SLC5A5: variants seen among roughly 807,000 people sequenced by gnomAD.
SLC5A5 encodes solute carrier family 5 member 5, also known as sodium/iodide cotransporter.
In SLC5A5, 56 loss-of-function variants were observed where a neutral mutation model predicts 68.6. The ratio of observed to expected loss-of-function variants is 0.82; its 90% CI spans 0.66 to 1.02. SLC5A5 has a LOEUF of 1.02. Ranked by LOEUF, SLC5A5 falls within the 50% of genes least tolerant of loss-of-function variation. The probability of loss-of-function intolerance (pLI) is 0.00; values close to 1 mark genes in which losing one functional copy is unlikely to be tolerated. For missense variants in SLC5A5, 807 were observed against 859.8 expected, an observed-to-expected ratio of 0.94 and a Z score of 0.77; for synonymous variants, 398 against 373.0, an observed-to-expected ratio of 1.07 and a Z score of -0.77.
chr19:17,875,092 G>A lies in SLC5A5; in HGVS notation c.543+361G>A, dbSNP rs1021480245. 2.6e-5 allele frequency among the ~76,000 whole-genome samples: 4 copies of A among 152,180 alleles called. No individual in the cohort carries two copies. The East Asian group carries it at 5.8e-4, about 22-fold the overall frequency. ...AGTGATAATAATAGTAATGGCGGCC[G>A]GGCGCGGTGGCTCACGTCTGTAATC... On this transcript the variant is annotated intron_variant, in intron 4 of 14. Coordinates refer to ENST00000222248, the MANE Select transcript of SLC5A5 (RefSeq NM_000453.3).
chr19:17,876,187 T>C, intron 5 of SLC5A5, 81 bp downstream of exon 5: 1 of 1,481,182 alleles, frequency 6.8e-7, no homozygotes, highest in Non-Finnish European at 9.4e-7. Context: ...CCCAGCACTT[T>C]GGGAGGCCGA....
At chr19:17,879,737 G>A (rs1418322316) in intron 7 of SLC5A5, among the ~76,000 whole-genome samples, 2 of 152,140 alleles carry the variant, frequency 1.3e-5, no homozygotes, top group Non-Finnish European at 2.9e-5. Flanking sequence ...TGTACTCTCT[G>A]CCTCACAGTC....
chr19:17,874,011 T>A, intron 1 of SLC5A5, 127 bp from the exon 2 acceptor site: 1 of 724,796 alleles, frequency 1.4e-6, no homozygotes, highest in Admixed American at 2.0e-5. Context: ...GGCCCCCACG[T>A]GCAAGAATCT....
At chr19:17,875,617 A>C (rs114974541) in intron 4 of SLC5A5, among the ~76,000 whole-genome samples, 3,107 of 144,100 alleles carry the variant, frequency 0.022, 107 homozygotes, top group African/African-American at 0.075. Flanking sequence ...CTACAAAAAA[A>C]ATTTTTTTTA....
At chr19:17,878,447 A>T (rs10416995) in intron 7 of SLC5A5, among the ~76,000 whole-genome samples, 8 of 149,324 alleles carry the variant, frequency 5.4e-5, no homozygotes, top group African/African-American at 2.0e-4. Flanking sequence ...GGAGGTTGCG[A>T]TGAAGGGAGA....
chr19:17,888,554 C>A, intron 13 of SLC5A5, 99 bp downstream of exon 13: 2 of 1,112,420 alleles, frequency 1.8e-6, no homozygotes, highest in Non-Finnish European at 1.4e-6. Flanking sequence ...CTCCCATTGG[C>A]CAAACTGCCA....
At chr19:17,873,339 T>C (rs1178482583) in intron 1 of SLC5A5, among the ~76,000 whole-genome samples, 1 of 151,806 alleles carries the variant, frequency 6.6e-6, no homozygotes, top group East Asian at 1.9e-4. Flanking sequence ...TGGGCACCTG[T>C]AATCCCAGCT....
At position 17,883,748 on chromosome 19, in the gene SLC5A5, T is replaced by C. The variant is rs759127701; in HGVS notation, c.1310T>C (p.Leu437Pro). 6.4e-6 allele frequency: 9 copies of C among 1,412,760 alleles called. No individual in the cohort carries two copies. In the East Asian group the frequency reaches 1.9e-4, roughly 29 times the overall value. The allele number at this position is 1,412,760 out of a possible 1,614,324, so 87.5% of individuals were successfully genotyped here. Residue 437 changes from leucine to proline, a missense_variant, in exon 11 of 15, where the codon CTG becomes CCG. Coordinates refer to ENST00000222248, the MANE Select transcript of SLC5A5 (RefSeq NM_000453.3). ...LLGAFILGMF[L>P]PACNTPGVLA... ...GGAGCCTTCATCTTGGGAATGTTCC[T>C]GCCGGCCTGCAACACACCGGTGAGT... is the stretch of plus-strand genomic sequence containing the variant.
At position 17,890,552 on chromosome 19, in the gene SLC5A5, T is replaced by A. The variant is rs62119764; in HGVS notation, c.1652-334T>A. 2.3e-3 allele frequency among the ~76,000 whole-genome samples: 346 copies of A among 152,182 alleles called. 1 individual carries two copies. The highest frequency in any genetic ancestry group is 4.4e-3 in the Non-Finnish European group (298 of 68,008). On this transcript the variant is annotated intron_variant, in intron 13 of 14. Transcript: ENST00000222248. ...GACTAGAGGCACACACCACCATGCCTGGCTAATTTTTTAATATTTTGTAGA... is the reference window on the plus strand; with the variant it reads ...GACTAGAGGCACACACCACCATGCCAGGCTAATTTTTTAATATTTTGTAGA...
chr19:17,874,431 T>A, intron 2 of SLC5A5, 63 bp from the exon 3 acceptor site: 1 of 1,511,728 alleles, frequency 6.6e-7, no homozygotes, highest in South Asian at 1.1e-5. Flanking sequence ...TTCTGCCTCC[T>A]CTCCCCATCC....
intron 5 of SLC5A5, 114 bp downstream of exon 5, chr19:17,876,220 A>G: frequency 1.9e-6 from 2 of 1,069,084 alleles, no homozygotes; most frequent in Non-Finnish European, 2.8e-6. Flanking sequence ...ACTTGAGCTC[A>G]GGAGTTCAAG....
Position 17,884,007 on chromosome 19 carries a change from C to A in SLC5A5, c.1487C>A (p.Pro496Gln), listed in dbSNP as rs756127637. 8 of 1,572,756 alleles carry A rather than the reference C, an allele frequency of 5.1e-6. No individual in the cohort carries two copies. Among genetic ancestry groups the A allele is most frequent in the Non-Finnish European group, 6.9e-6 (8 of 1,161,080 alleles). Residue 496 changes from proline to glutamine, a missense_variant, in exon 12 of 15, where the codon CCG (proline) becomes CAG (glutamine). Transcript: ENST00000222248. ...GTCAACGCCTCTGGCCTCCTGGACC[C>A]GGCTCTCCTCCCTGCTAACGACTCC... ...LSVNASGLLDPALLPANDSSR... is the reference protein window; with the variant it reads ...LSVNASGLLDQALLPANDSSR...
intron 10 of SLC5A5, among the ~76,000 whole-genome samples, 157 bp from the exon 11 acceptor site, chr19:17,883,524 G>GA (rs931394647): frequency 1.0e-4 from 14 of 137,146 alleles, no homozygotes; most frequent in African/African-American, 3.4e-4. Context: ...CAGGAACAAG[G>GA]GGGGGGGGTC....
intron 7 of SLC5A5, among the ~76,000 whole-genome samples, chr19:17,879,580 G>C (rs2094315910): frequency 2.0e-5 from 3 of 152,180 alleles, no homozygotes; most frequent in Admixed American, 2.0e-4. Flanking sequence ...GGGGGGCGGT[G>C]CCAGGACCCA....
At chr19:17,886,454 T>A (rs1402067449) in intron 12 of SLC5A5, among the ~76,000 whole-genome samples, 1 of 151,962 alleles carries the variant, frequency 6.6e-6, no homozygotes, top group African/African-American at 2.4e-5. Flanking sequence ...ACTACAGGCA[T>A]ATGCCACCAC....
chr19:17,880,940 A>G lies in SLC5A5; in HGVS notation c.1045A>G (p.Ser349Gly), dbSNP rs972495993. The G allele has an allele frequency of 1.1e-5, 17 of 1,613,458 alleles. No homozygotes were observed. The highest frequency in any genetic ancestry group is 1.3e-5 in the African/African-American group (1 of 75,016). The change falls in exon 8 of 15, where the codon AGT (serine) becomes GGT (glycine). Residue 349 changes from serine to glycine, a missense_variant. Coordinates refer to ENST00000222248, the MANE Select transcript of SLC5A5 (RefSeq NM_000453.3). ...CGGGCTTTTCCTGGCCTGTGCTTAC[A>G]GTGGCACCCTCAGGTGAGCACCCCT... is the stretch of plus-strand genomic sequence containing the variant. ...VPGLFLACAYSGTLSTASTSI... is the reference protein window; with the variant it reads ...VPGLFLACAYGGTLSTASTSI...
intron 7 of SLC5A5, among the ~76,000 whole-genome samples, chr19:17,880,481 T>C (rs2094318153): frequency 6.6e-6 from 1 of 152,090 alleles, no homozygotes; most frequent in Admixed American, 6.6e-5. Context: ...TCCCGAAGTG[T>C]TGGGATTACA....
Position 17,883,845 on chromosome 19 carries a change from C to A in SLC5A5, c.1330-5C>A. ...CCCCTTCCCTGACGCCGGCTCTGCC[C>A]CCAGGGCGTCCTCGCGGGACTAGGC... On this transcript the variant is annotated splice_polypyrimidine_tract_variant and splice_region_variant and intron_variant, in intron 11 of 14. Transcript: ENST00000222248. 4 of 1,600,416 alleles carry A rather than the reference C, an allele frequency of 2.5e-6. No individual in the cohort carries two copies. The highest frequency in any genetic ancestry group is 3.4e-6 in the Non-Finnish European group (4 of 1,174,454).
At chr19:17,892,238 TA>T (rs1422178557) in intron 14 of SLC5A5, among the ~76,000 whole-genome samples, 1 of 151,140 alleles carries the variant, frequency 6.6e-6, no homozygotes, top group African/African-American at 2.4e-5. Context: ...GTAGAGGTTG[TA>T]GTGAGCTGAG....
Sources: gnomAD v4.1 joint callset for allele counts (sites outside exome capture counted in the v4.1 genomes callset) on GRCh38, gnomAD v4.1.1 for gene constraint, MANE v1.5 for transcripts, NCBI Gene and HGNC (gene_info 2026-07-23, HGNC 2026-07-21) for gene names.